Variants in CDH12 observed in about 807,000 individuals in gnomAD.
CDH12 encodes cadherin-12.
In CDH12, 41 loss-of-function variants were observed where a neutral mutation model predicts 74.1. The observed-to-expected ratio is 0.55, with a 90% CI of 0.43 to 0.72. The LOEUF (loss-of-function observed/expected upper bound fraction) is 0.72, where lower values mean the gene tolerates loss of function less well. CDH12 is among the 30% of genes least tolerant of loss of function. The probability of loss-of-function intolerance (pLI) is 0.00; values close to 1 mark genes in which losing one functional copy is unlikely to be tolerated. For missense variants in CDH12, 945 were observed against 977.2 expected (o/e 0.97, Z 0.44); for synonymous variants, 399 against 355.0 (o/e 1.12, Z -1.39).
intron 1 of CDH12, among the ~76,000 whole-genome samples, chr5:22,616,191 A>G (rs763528159): frequency 2.0e-5 from 3 of 152,112 alleles, no homozygotes; most frequent in Non-Finnish European, 4.4e-5. Context: ...CAACAAGTCA[A>G]TGTCATGGAA....
At chr5:22,396,190 T>G (rs1483299863) in intron 3 of CDH12, among the ~76,000 whole-genome samples, 2 of 152,112 alleles carry the variant, frequency 1.3e-5, no homozygotes, top group Non-Finnish European at 2.9e-5. Context: ...CATGTAAATA[T>G]TATCAAAAAT....
chr5:22,769,210 G>T (rs943276196), intron 1 of CDH12, among the ~76,000 whole-genome samples: 1 of 152,144 alleles, frequency 6.6e-6, no homozygotes, highest in Non-Finnish European at 1.5e-5. Context: ...TGAGTCAGTG[G>T]ACTGGGAGAG....
At chr5:21,827,023 C>T (rs981440132) in intron 8 of CDH12, among the ~76,000 whole-genome samples, 1 of 151,986 alleles carries the variant, frequency 6.6e-6, no homozygotes. Flanking sequence ...CTTGAACACA[C>T]AGTTGAGAAG....
chr5:21,813,043 C>T (rs2149939507), intron 9 of CDH12, among the ~76,000 whole-genome samples: 1 of 152,312 alleles, frequency 6.6e-6, no homozygotes, highest in South Asian at 2.1e-4. Context: ...CACAATCTCT[C>T]ACCATCTCTG....
intron 1 of CDH12, among the ~76,000 whole-genome samples, chr5:22,569,628 T>A (rs1271813527): frequency 6.6e-6 from 1 of 152,204 alleles, no homozygotes; most frequent in Admixed American, 6.5e-5. Context: ...GTTTACAGCA[T>A]CTTACTAGGA....
chr5:22,765,374 G>C (rs1390574738), intron 1 of CDH12, among the ~76,000 whole-genome samples: 1 of 151,902 alleles, frequency 6.6e-6, no homozygotes, highest in Non-Finnish European at 1.5e-5. Flanking sequence ...CTAGTCTACT[G>C]TAATCATTAC....
At chr5:22,736,364 T>C (rs1429883554) in intron 1 of CDH12, among the ~76,000 whole-genome samples, 1 of 151,854 alleles carries the variant, frequency 6.6e-6, no homozygotes, top group Non-Finnish European at 1.5e-5. Flanking sequence ...ATTGGCTGAA[T>C]ACTGCAAAAT....
At chr5:21,842,639 C>A (rs1411126740) in intron 7 of CDH12, among the ~76,000 whole-genome samples, 2 of 151,934 alleles carry the variant, frequency 1.3e-5, no homozygotes, top group African/African-American at 4.8e-5. Flanking sequence ...TATGCACGAT[C>A]CTATCTTTAA....
At chr5:21,949,001 AGCC>A (rs1755704534) in intron 6 of CDH12, among the ~76,000 whole-genome samples, 1 of 152,058 alleles carries the variant, frequency 6.6e-6, no homozygotes, top group African/African-American at 2.4e-5. Flanking sequence ...AGGCCTCCTC[AGCC>A]ATGCAGAACT....
chr5:22,380,372 T>C (rs1741707631), intron 3 of CDH12, among the ~76,000 whole-genome samples: 1 of 152,206 alleles, frequency 6.6e-6, no homozygotes, highest in Non-Finnish European at 1.5e-5. Context: ...GGTTCTTTTG[T>C]TATAACTCTC....
intron 2 of CDH12, among the ~76,000 whole-genome samples, chr5:22,494,117 C>A (rs1286498608): frequency 6.6e-6 from 1 of 152,162 alleles, no homozygotes; most frequent in East Asian, 1.9e-4. Context: ...AGTAAGTCCT[C>A]AGAAAATACC....
At chr5:22,275,098 A>G (rs1030514079) in intron 3 of CDH12, among the ~76,000 whole-genome samples, 1 of 152,088 alleles carries the variant, frequency 6.6e-6, no homozygotes, top group Admixed American at 6.6e-5. Flanking sequence ...GGACACAGAG[A>G]GGGGAACATC....
chr5:22,272,455 A>C (rs889645653), intron 3 of CDH12, among the ~76,000 whole-genome samples: 1 of 152,198 alleles, frequency 6.6e-6, no homozygotes, highest in African/African-American at 2.4e-5. Context: ...ACTGAAGTAG[A>C]TCTTTTAATA....
chr5:22,119,421 C>T (rs1248636493), intron 4 of CDH12, among the ~76,000 whole-genome samples: 3 of 151,340 alleles, frequency 2.0e-5, no homozygotes, highest in Non-Finnish European at 4.4e-5. Flanking sequence ...TCCCAAGTAG[C>T]TGGGATTACA....
intron 3 of CDH12, chr5:22,277,934 T>C (rs894856661): frequency 1.3e-5 from 2 of 152,372 alleles, no homozygotes; most frequent in Non-Finnish European, 2.9e-5. Context: ...GTGAGCAGCA[T>C]GCAAGTATAG....
intron 4 of CDH12, among the ~76,000 whole-genome samples, chr5:22,079,324 G>A (rs1742554270): frequency 6.6e-6 from 1 of 152,002 alleles, no homozygotes; most frequent in Non-Finnish European, 1.5e-5. Context: ...CCCATATCTG[G>A]TTTGTGACAA....
At chr5:21,896,019 G>A (rs1753108295) in intron 6 of CDH12, among the ~76,000 whole-genome samples, 1 of 152,154 alleles carries the variant, frequency 6.6e-6, no homozygotes, top group South Asian at 2.1e-4. Flanking sequence ...GTGCAGAGGT[G>A]TCTCTTCTAA....
chr5:22,043,544 C>T (rs1024860469), intron 5 of CDH12, among the ~76,000 whole-genome samples: 1 of 151,954 alleles, frequency 6.6e-6, no homozygotes, highest in Non-Finnish European at 1.5e-5. Context: ...GACAGAGATG[C>T]CCACCTTCTC....
At chr5:22,255,263 A>AT (rs569981314) in intron 3 of CDH12, among the ~76,000 whole-genome samples, 1,648 of 147,732 alleles carry the variant, frequency 0.011, 19 homozygotes, top group African/African-American at 0.035. Context: ...AGTATTTGTG[A>AT]TTTTTTTTTT....
Sources: gnomAD v4.1 joint callset for allele counts (sites outside exome capture counted in the v4.1 genomes callset) on GRCh38, gnomAD v4.1.1 for gene constraint, MANE v1.5 for transcripts, NCBI Gene and HGNC (gene_info 2026-07-23, HGNC 2026-07-21) for gene names.